Variants in SORBS2 observed in about 807,000 individuals in gnomAD.
The protein encoded by SORBS2 is sorbin and SH3 domain containing 2.
A neutral mutation model predicts 97.7 loss-of-function variants in SORBS2; 46 were observed. The observed-to-expected ratio is 0.47, with a 90% CI of 0.37 to 0.60. The LOEUF (loss-of-function observed/expected upper bound fraction) is 0.60. Ranked by LOEUF, SORBS2 falls within the 20% of genes least tolerant of loss-of-function variation. SORBS2 has a pLI of 0.00. For synonymous variants in SORBS2, 476 were observed against 473.4 expected, an observed-to-expected ratio of 1.01 and a Z score of -0.07; for missense variants, 1,316 against 1,282.3, an observed-to-expected ratio of 1.03 and a Z score of -0.40.
At position 185,596,530 on chromosome 4, in the gene SORBS2, C is replaced by CTTTT. The variant is rs58831094; in HGVS notation, c.2797-2599_2797-2596dup. Reference sequence around the variant, plus strand: ...TGTGGGGCAGCCAGCACCGTCCTTGCTTTTTTTTTTTTTTTTTTTTTTTGA... The same window carrying CTTTT: ...TGTGGGGCAGCCAGCACCGTCCTTGCTTTTTTTTTTTTTTTTTTTTTTTTTTTGA... On this transcript the variant is annotated intron_variant, in intron 12 of 14. Transcript: ENST00000418609. 4.7e-3 allele frequency among the ~76,000 whole-genome samples: 361 copies of CTTTT among 77,412 alleles called. 24 individuals are homozygous for CTTTT. Among genetic ancestry groups the CTTTT allele is most frequent in the African/African-American group, 0.011 (193 of 17,874 alleles). 50.8% of individuals were successfully genotyped at this position (77,412 alleles called of 152,430 possible).
chr4:185,674,232 C>T (rs377380429), intron 4 of SORBS2, among the ~76,000 whole-genome samples: 8 of 152,344 alleles, frequency 5.3e-5, no homozygotes, highest in Admixed American at 2.6e-4. Context: ...GAAGTTTCCA[C>T]CAACCTGTTC....
chr4:185,625,347 T>C (rs1228128678), intron 6 of SORBS2, among the ~76,000 whole-genome samples: 1 of 152,258 alleles, frequency 6.6e-6, no homozygotes, highest in East Asian at 1.9e-4. Flanking sequence ...AAATGTTCTT[T>C]TGCTTTGCTG....
rs190031574 is a variant in SORBS2 at position 185,776,491 on chromosome 4, A to T, written c.-337-1125T>A. ...TTTATGAACGCTTTCATTCCAATAG[A>T]TGAAATCCCTGGTTTTTTTCAACCC... On this transcript the variant is annotated intron_variant, in intron 1 of 20. Coordinates refer to the SORBS2 transcript ENST00000284776. Among the ~76,000 whole-genome samples the T allele has an allele frequency of 1.3e-3, 193 of 152,278 alleles. 3 individuals are homozygous for T. In the South Asian group the frequency reaches 0.015, roughly 12 times the overall value.
chr4:185,910,210 G>C (rs2099254180), intron 1 of SORBS2, among the ~76,000 whole-genome samples: 1 of 152,118 alleles, frequency 6.6e-6, no homozygotes, highest in South Asian at 2.1e-4. Flanking sequence ...TAGCACTGGA[G>C]TACAATGTGT....
At chr4:185,678,674 A>T in intron 3 of SORBS2, 122 bp downstream of exon 6, 2 of 1,178,072 alleles carry the variant, frequency 1.7e-6, no homozygotes, top group Non-Finnish European at 2.4e-6. Flanking sequence ...CTAGAGGTTT[A>T]ATTTAATATG....
chr4:185,591,627 T>C (rs926243256), intron 13 of SORBS2, among the ~76,000 whole-genome samples: 4 of 152,124 alleles, frequency 2.6e-5, no homozygotes, highest in Admixed American at 2.0e-4. Flanking sequence ...TTGAGAGAGA[T>C]GGTGGTTCCT....
At chr4:185,946,135 C>T (rs2099274419) in intron 1 of SORBS2, among the ~76,000 whole-genome samples, 1 of 126,592 alleles carries the variant, frequency 7.9e-6, no homozygotes, top group South Asian at 2.6e-4. Flanking sequence ...ATGTGTGTGA[C>T]ATGTGTCTCC....
At chr4:185,943,461 G>T (rs985241050) in intron 1 of SORBS2, among the ~76,000 whole-genome samples, 1 of 152,104 alleles carries the variant, frequency 6.6e-6, no homozygotes, top group South Asian at 2.1e-4. Context: ...ACATACAAAT[G>T]GTACCTACTC....
rs192487859 is a variant in SORBS2 at position 185,750,407 on chromosome 4, G to A, written c.-198+24820C>T. On this transcript the variant is annotated intron_variant, in intron 2 of 20. Coordinates refer to the SORBS2 transcript ENST00000284776. ...GAGCGGGTCTGCATTCAGGATCCAC[G>A]TGGCTCCAATCATAGGTGTGAAAAG... is the stretch of plus-strand genomic sequence containing the variant. Among the ~76,000 whole-genome samples, 18 of 152,286 alleles carry A rather than the reference G, an allele frequency of 1.2e-4. No individual in the cohort carries two copies. In the East Asian group the frequency reaches 2.7e-3, roughly 23 times the overall value.
chr4:185,927,588 C>T (rs1177179909), intron 1 of SORBS2, among the ~76,000 whole-genome samples: 1 of 152,098 alleles, frequency 6.6e-6, no homozygotes, highest in East Asian at 1.9e-4. Context: ...AGTTCTTAAC[C>T]AAAGGCTCCT....
chr4:185,658,689 A>C (rs1004504440), upstream of SORBS2, among the ~76,000 whole-genome samples: 1 of 128,280 alleles, frequency 7.8e-6, no homozygotes, highest in East Asian at 2.3e-4. Context: ...TAAAATAAGT[A>C]AGCTTTTTTT....
intron 1 of SORBS2, 147 bp downstream of exon 1, chr4:185,811,514 TTTC>T (rs1456532581): frequency 6.6e-6 from 1 of 152,228 alleles, no homozygotes; most frequent in Non-Finnish European, 1.5e-5. Flanking sequence ...CTGATACTAT[TTTC>T]TAGAAATGTG....
chr4:185,933,832 C>T (rs193194022), intron 1 of SORBS2, among the ~76,000 whole-genome samples: 1 of 152,228 alleles, frequency 6.6e-6, no homozygotes, highest in Non-Finnish European at 1.5e-5. Flanking sequence ...AGAATTTAGC[C>T]AATATCAGTG....
At chr4:185,889,291 T>G (rs10010283) in intron 1 of SORBS2, among the ~76,000 whole-genome samples, 4,344 of 152,266 alleles carry the variant, frequency 0.029, 159 homozygotes, top group African/African-American at 0.089. Context: ...TGCAACAATG[T>G]TAAAATAGAG....
At chr4:185,591,560 G>C (rs891157516) in intron 13 of SORBS2, among the ~76,000 whole-genome samples, 1 of 152,200 alleles carries the variant, frequency 6.6e-6, no homozygotes, top group Non-Finnish European at 1.5e-5. Flanking sequence ...AGGTGAAGGG[G>C]TGGTATCTTT....
At chr4:185,612,472 G>A (rs1052915298) in intron 11 of SORBS2, among the ~76,000 whole-genome samples, 5 of 150,534 alleles carry the variant, frequency 3.3e-5, no homozygotes, top group Non-Finnish European at 7.4e-5. Context: ...ATGGTACACC[G>A]TTTTCTTTTT....
At chr4:185,923,670 G>A (rs901223476) in intron 1 of SORBS2, among the ~76,000 whole-genome samples, 2 of 151,612 alleles carry the variant, frequency 1.3e-5, no homozygotes, top group East Asian at 1.9e-4. Flanking sequence ...ATGAGCATTC[G>A]TTTGCACGTG....
intron 4 of SORBS2, among the ~76,000 whole-genome samples, chr4:185,667,129 C>CT (rs1194194013): frequency 6.6e-6 from 1 of 152,124 alleles, no homozygotes. Flanking sequence ...AGCAACTTTT[C>CT]TTACTTATTT....
intron 1 of SORBS2, among the ~76,000 whole-genome samples, chr4:185,778,902 C>T (rs988514812): frequency 8.5e-5 from 13 of 152,174 alleles, no homozygotes; most frequent in Non-Finnish European, 1.6e-4. Context: ...TTCTGTTATT[C>T]GCTCCACCTC....
Sources: gnomAD v4.1 joint callset for allele counts (sites outside exome capture counted in the v4.1 genomes callset) on GRCh38, gnomAD v4.1.1 for gene constraint, MANE v1.5 for transcripts, NCBI Gene and HGNC (gene_info 2026-07-23, HGNC 2026-07-21) for gene names.